RMST: variants seen among roughly 807,000 people sequenced by gnomAD.
RMST encodes the protein long intergenic non-protein coding RNA 54.
Position 97,463,017 on chromosome 12 carries a change from G to GTCTCTCTCTCTCTCTCTCTCTCTCTCTC in RMST, n.447-121_447-94dup, listed in dbSNP as rs140034393. ...TTAGGTTCTTAGTCTCAAGTCAGCA[G>GTCTCTCTCTCTCTCTCTCTCTCTCTCTC]TCTCTCTCTCTCTCTCTCTCTCTCT... On this transcript the variant is annotated intron_variant and non_coding_transcript_variant, in intron 3 of 13. Transcript: ENST00000640149. The GTCTCTCTCTCTCTCTCTCTCTCTCTCTC allele has an allele frequency of 4.3e-4, 56 of 129,988 alleles. 1 individual carries two copies. Among genetic ancestry groups the GTCTCTCTCTCTCTCTCTCTCTCTCTCTC allele is most frequent in the South Asian group, 2.0e-3 (7 of 3,458 alleles). The allele number at this position is 129,988 out of a possible 1,614,324, so 8.1% of individuals were successfully genotyped here. A position where few individuals can be genotyped will look rare whatever the true frequency, so the allele number is the denominator to read the frequency against.
intron 5 of RMST, among the ~76,000 whole-genome samples, chr12:97,473,841 T>C (rs1255528178): frequency 6.6e-6 from 1 of 152,118 alleles, no homozygotes; most frequent in African/African-American, 2.4e-5. Flanking sequence ...CCAAAAAGAA[T>C]TGGAAAACTT....
chr12:97,490,481 G>T (rs908398875), intron 5 of RMST, among the ~76,000 whole-genome samples: 45 of 152,096 alleles, frequency 3.0e-4, no homozygotes, highest in African/African-American at 9.7e-4. Flanking sequence ...TATCTTACAG[G>T]GTTGTTGGGG....
rs537840796 is a variant in RMST, at chr12:97,524,075, C to CAAAAAAAAAAAA, written n.1341-6563_1341-6552dup. ...TGGGCAACAGAGTGAGACTCTGTCT[C>CAAAAAAAAAAAA]AAAAAAAAAAAAAAAAAAAAAAAAA... On this transcript the variant is annotated intron_variant and non_coding_transcript_variant, in intron 10 of 13. Transcript: ENST00000640149. 4.1e-4 allele frequency among the ~76,000 whole-genome samples: 23 copies of CAAAAAAAAAAAA among 56,122 alleles called. 3 individuals carry two copies. The highest frequency in any genetic ancestry group is 1.6e-3 in the African/African-American group (21 of 12,964). 36.8% of individuals were successfully genotyped at this position (56,122 alleles called of 152,430 possible).
chr12:97,479,718 C>T (rs1875000341), intron 5 of RMST, among the ~76,000 whole-genome samples: 1 of 152,162 alleles, frequency 6.6e-6, no homozygotes, highest in African/African-American at 2.4e-5. Flanking sequence ...CTGGGTTCAT[C>T]CTCAGCCCGT....
In RMST at chr12:97,550,318, G is replaced by A. The variant is rs549875433; in HGVS notation, n.1546-10219G>A. Among the ~76,000 whole-genome samples the A allele has an allele frequency of 4.6e-5, 7 of 152,240 alleles. No individual in the cohort carries two copies. In the South Asian group the frequency reaches 1.5e-3, roughly 32 times the overall value. Reference sequence around the variant, plus strand: ...GAGGCAGGAGAATCACTTGAACCTGGGAGGCGGAGGTTGCGGTGAGCCAAG... The same window carrying A: ...GAGGCAGGAGAATCACTTGAACCTGAGAGGCGGAGGTTGCGGTGAGCCAAG... On this transcript the variant is annotated intron_variant and non_coding_transcript_variant, in intron 11 of 13. Transcript: ENST00000640149.
In RMST at chr12:97,537,636, G is replaced by A. The variant is rs550531441; in HGVS notation, n.1545+6777G>A. ...GGTATCTGTTTACCCAAATTACCAT[G>A]TGCAAACAGCAATATGTCTGGAAGC... On this transcript the variant is annotated intron_variant and non_coding_transcript_variant, in intron 11 of 13. Transcript: ENST00000640149. Among the ~76,000 whole-genome samples the A allele has an allele frequency of 4.4e-4, 67 of 151,490 alleles. 2 individuals are homozygous for A. The South Asian group carries it at 0.013, about 30-fold the overall frequency.
At chr12:97,473,902 G>A (rs932261543) in intron 5 of RMST, among the ~76,000 whole-genome samples, 1 of 152,110 alleles carries the variant, frequency 6.6e-6, no homozygotes, top group Non-Finnish European at 1.5e-5. Context: ...GTGTTGAAAA[G>A]CAAAGGCCTA....
chr12:97,542,995 T>A (rs1251057930), intron 11 of RMST, among the ~76,000 whole-genome samples: 1 of 151,972 alleles, frequency 6.6e-6, no homozygotes, highest in African/African-American at 2.4e-5. Context: ...GTTTGGGTAT[T>A]TAAATTCTGT....
At chr12:97,479,075 T>A (rs1874898271) in intron 5 of RMST, among the ~76,000 whole-genome samples, 1 of 150,950 alleles carries the variant, frequency 6.6e-6, no homozygotes, top group Non-Finnish European at 1.5e-5. Flanking sequence ...TCTCCTCATC[T>A]CATTCAAACC....
exon 14 of RMST, chr12:97,564,942 T>C (rs1285674076): frequency 6.6e-6 from 1 of 152,224 alleles, no homozygotes; most frequent in African/African-American, 2.4e-5. Context: ...TACTTTTGCT[T>C]GAAGTGTTTT....
At chr12:97,511,321 G>C (rs117112895) in intron 10 of RMST, among the ~76,000 whole-genome samples, 12,613 of 151,924 alleles carry the variant, frequency 0.083, 751 homozygotes, top group Middle Eastern at 0.14. Context: ...GCTGATTTTT[G>C]TATTTTTAGT....
chr12:97,537,955 C>G lies in RMST; in HGVS notation n.1545+7096C>G, dbSNP rs181397860. 4.0e-4 allele frequency among the ~76,000 whole-genome samples: 60 copies of G among 151,386 alleles called. 1 individual carries two copies. The highest frequency in any genetic ancestry group is 1.4e-3 in the African/African-American group (56 of 41,410). On this transcript the variant is annotated intron_variant and non_coding_transcript_variant, in intron 11 of 13. Coordinates refer to ENST00000640149, the Ensembl canonical transcript of RMST. ...TTGACAATATGCCAGCCCTGTACAT[C>G]CAGACACATCTATTTCTTGATCAAT...
intron 5 of RMST, chr12:97,491,742 G>A (rs1490723534): frequency 6.9e-6 from 2 of 290,466 alleles, no homozygotes; most frequent in Non-Finnish European, 1.5e-5. Context: ...CATTCTTATA[G>A]ATTCTTTGAA....
At chr12:97,472,684 T>G (rs189795331) in intron 5 of RMST, among the ~76,000 whole-genome samples, 41 of 152,280 alleles carry the variant, frequency 2.7e-4, no homozygotes, top group African/African-American at 8.9e-4. Context: ...ACAAAGAATT[T>G]CTGGTTCTTT....
At chr12:97,476,239 T>C (rs752379973) in intron 5 of RMST, among the ~76,000 whole-genome samples, 3 of 152,166 alleles carry the variant, frequency 2.0e-5, no homozygotes, top group Non-Finnish European at 4.4e-5. Flanking sequence ...ATATGACTCT[T>C]GATAAAGAAT....
At chr12:97,502,657 G>A (rs1248656094) in intron 10 of RMST, among the ~76,000 whole-genome samples, 3 of 151,956 alleles carry the variant, frequency 2.0e-5, no homozygotes, top group Non-Finnish European at 4.4e-5. Context: ...TAGAGATGAG[G>A]TCTCACTAAG....
chr12:97,501,954 T>C (rs1337061657), intron 10 of RMST, among the ~76,000 whole-genome samples: 1 of 152,198 alleles, frequency 6.6e-6, no homozygotes, highest in Non-Finnish European at 1.5e-5. Flanking sequence ...TACTGCTGCT[T>C]GGAATGCCGC....
intron 10 of RMST, among the ~76,000 whole-genome samples, chr12:97,513,098 C>T (rs1006464735): frequency 6.6e-5 from 10 of 152,198 alleles, no homozygotes; most frequent in African/African-American, 1.9e-4. Context: ...GCGCGCAGCC[C>T]GGGTTCCCAC....
At chr12:97,510,933 T>C (rs1020089418) in intron 10 of RMST, among the ~76,000 whole-genome samples, 5 of 152,254 alleles carry the variant, frequency 3.3e-5, no homozygotes, top group African/African-American at 1.2e-4. Flanking sequence ...GAGTCCATAA[T>C]TGGGATCTTG....
Sources: allele counts gnomAD v4.1 joint callset (sites outside exome capture counted in the v4.1 genomes callset), GRCh38; gene constraint gnomAD v4.1.1; transcripts MANE v1.5; gene names NCBI Gene and HGNC (gene_info 2026-07-23, HGNC 2026-07-21).